The following CDH13 variants were observed in gnomAD, a reference collection of about 807,000 sequenced individuals.
The protein encoded by CDH13 is cadherin-13.
A neutral mutation model predicts 63.8 loss-of-function variants in CDH13; 24 were observed. The ratio of observed to expected loss-of-function variants is 0.38; its 90% CI spans 0.27 to 0.53. The LOEUF is 0.53. CDH13 is among the 20% of genes least tolerant of loss of function. The pLI is 0.85. For missense variants in CDH13, 1,049 were observed against 903.1 expected (o/e 1.16, Z -2.07); for synonymous variants, 503 against 355.3 (o/e 1.42, Z -4.67).
At chr16:82,947,197 T>G (rs917656103) in intron 2 of CDH13, among the ~76,000 whole-genome samples, 1 of 152,182 alleles carries the variant, frequency 6.6e-6, no homozygotes, top group Non-Finnish European at 1.5e-5. Context: ...AGTAGGTGGT[T>G]ATTCCTACTA....
At chr16:82,879,567 T>A (rs2151201512) in intron 2 of CDH13, among the ~76,000 whole-genome samples, 1 of 142,542 alleles carries the variant, frequency 7.0e-6, no homozygotes, top group Non-Finnish European at 1.5e-5. Flanking sequence ...ATATTGTATA[T>A]TTTATATACA....
intron 1 of CDH13, among the ~76,000 whole-genome samples, chr16:82,640,255 A>G (rs983893370): frequency 2.0e-5 from 3 of 152,194 alleles, no homozygotes; most frequent in African/African-American, 7.2e-5. Flanking sequence ...TAGCATAGAG[A>G]TGAAATGTGC....
chr16:82,855,929 T>G (rs1372780142), intron 1 of CDH13, among the ~76,000 whole-genome samples: 2 of 152,182 alleles, frequency 1.3e-5, no homozygotes, highest in African/African-American at 2.4e-5. Flanking sequence ...CTTTGAGTTC[T>G]CTGGTGGGGA....
At chr16:83,464,985 T>A (rs2073272826) in intron 6 of CDH13, among the ~76,000 whole-genome samples, 1 of 152,222 alleles carries the variant, frequency 6.6e-6, no homozygotes. Context: ...AGTCTGGGAA[T>A]GACACAGTTT....
chr16:82,998,547 C>A (rs1206046956), intron 2 of CDH13, among the ~76,000 whole-genome samples: 1 of 152,078 alleles, frequency 6.6e-6, no homozygotes, highest in Non-Finnish European at 1.5e-5. Flanking sequence ...ATACTCTTGA[C>A]TTCATCTGTC....
intron 1 of CDH13, among the ~76,000 whole-genome samples, chr16:82,710,548 AAAAAAT>A (rs1359050930): frequency 6.1e-4 from 55 of 90,070 alleles, no homozygotes; most frequent in Middle Eastern, 7.6e-3. Context: ...AAAAAAAAAA[AAAAAAT>A]ATATATATAT....
At chr16:83,061,128 T>A (rs1395428896) in intron 3 of CDH13, among the ~76,000 whole-genome samples, 2 of 152,222 alleles carry the variant, frequency 1.3e-5, no homozygotes, top group African/African-American at 4.8e-5. Context: ...GATACCACAG[T>A]CTTTCCCAAA....
intron 7 of CDH13, among the ~76,000 whole-genome samples, chr16:83,494,517 A>C (rs1598150674): frequency 6.6e-6 from 1 of 152,224 alleles, no homozygotes; most frequent in Non-Finnish European, 1.5e-5. Flanking sequence ...AATAAGAAAA[A>C]TGTTGCTCCT....
intron 2 of CDH13, among the ~76,000 whole-genome samples, chr16:82,978,396 A>G (rs1909809426): frequency 6.6e-6 from 1 of 152,246 alleles, no homozygotes; most frequent in South Asian, 2.1e-4. Context: ...TCTCCAGGGC[A>G]TGTCAGGGGT....
chr16:83,765,904 G>A (rs1399743890), intron 11 of CDH13, among the ~76,000 whole-genome samples: 1 of 152,062 alleles, frequency 6.6e-6, no homozygotes, highest in Non-Finnish European at 1.5e-5. Flanking sequence ...GACATAAGAG[G>A]CCTGGCATGT....
chr16:83,388,479 A>G (rs963769657), intron 6 of CDH13, among the ~76,000 whole-genome samples: 6 of 152,068 alleles, frequency 3.9e-5, no homozygotes, highest in South Asian at 4.2e-4. Flanking sequence ...GCTTTTTTTG[A>G]TCAACGAGAT....
intron 3 of CDH13, among the ~76,000 whole-genome samples, chr16:83,098,315 C>T (rs887618824): frequency 1.3e-5 from 2 of 152,152 alleles, no homozygotes; most frequent in African/African-American, 4.8e-5. Context: ...ACTACTGCTC[C>T]TCTGGTTTTT....
intron 7 of CDH13, among the ~76,000 whole-genome samples, chr16:83,570,164 G>A (rs1377108840): frequency 1.3e-5 from 2 of 152,140 alleles, no homozygotes; most frequent in South Asian, 2.1e-4. Context: ...CAAAGCAAAG[G>A]AACCTGAGCA....
chr16:83,595,929 G>A (rs148215901), intron 7 of CDH13, among the ~76,000 whole-genome samples: 70 of 152,338 alleles, frequency 4.6e-4, no homozygotes, highest in African/African-American at 1.6e-3. Context: ...CAGAATCAAC[G>A]AAAGCGTTGA....
chr16:83,108,860 C>T (rs1458642292), intron 3 of CDH13, among the ~76,000 whole-genome samples: 2 of 152,066 alleles, frequency 1.3e-5, no homozygotes, highest in Non-Finnish European at 2.9e-5. Flanking sequence ...GATATAAATC[C>T]CCCAGCTCCC....
At chr16:83,397,015 C>G (rs1246393959) in intron 6 of CDH13, among the ~76,000 whole-genome samples, 1 of 152,170 alleles carries the variant, frequency 6.6e-6, no homozygotes, top group Non-Finnish European at 1.5e-5. Flanking sequence ...GGAAGCCAAG[C>G]AGCCTTGGCT....
Position 83,217,394 on chromosome 16 carries a change from AG to A in CDH13, c.536del (p.Gly179GlufsTer21). On this transcript the variant is annotated frameshift_variant, in exon 5 of 14. Coordinates refer to ENST00000567109, the MANE Select transcript of CDH13 (RefSeq NM_001257.5). LOFTEE classifies it high-confidence loss of function. ...AGGTCCAAGTTCCGGCTCACTGGAA[AG>A]GGAGTGGATCAAGAGCCTAAAGGAA... ...PERSKFRLTGKGVDQEPKGIF... is the reference protein window; with the variant it reads ...PERSKFRLTGXGVDQEPKGIF... 6.2e-7 allele frequency: 1 copy of A among 1,613,888 alleles called. No individual in the cohort carries two copies. The highest frequency in any genetic ancestry group is 8.5e-7 in the Non-Finnish European group (1 of 1,179,806).
At chr16:83,703,668 T>A (rs1191666363) in intron 10 of CDH13, among the ~76,000 whole-genome samples, 1 of 152,250 alleles carries the variant, frequency 6.6e-6, no homozygotes, top group Non-Finnish European at 1.5e-5. Flanking sequence ...ATTATCAAGT[T>A]GTTAATGTTG....
chr16:83,627,717 G>A (rs892259558), intron 8 of CDH13, among the ~76,000 whole-genome samples: 3 of 152,114 alleles, frequency 2.0e-5, no homozygotes, highest in Non-Finnish European at 4.4e-5. Context: ...TTACCGGAAA[G>A]AGGTCCCAAT....
Sources: allele counts gnomAD v4.1 joint callset (sites outside exome capture counted in the v4.1 genomes callset), GRCh38; gene constraint gnomAD v4.1.1; transcripts MANE v1.5; gene names NCBI Gene and HGNC (gene_info 2026-07-23, HGNC 2026-07-21).